TNFSF4: variants seen among roughly 807,000 people sequenced by gnomAD.
The protein encoded by TNFSF4 is tumor necrosis factor ligand superfamily member 4.
Under a neutral mutation model 7.3 loss-of-function variants are expected in TNFSF4, and 4 were observed. That is an observed-to-expected ratio of 0.55 (90% CI 0.27 to 1.25). The LOEUF (loss-of-function observed/expected upper bound fraction) is 1.25. TNFSF4 is among the 50% of genes most tolerant of loss of function. The pLI is 0.12. For missense variants in TNFSF4, 181 were observed against 208.8 expected, an observed-to-expected ratio of 0.87 and a Z score of 0.82; for synonymous variants, 76 against 83.7, an observed-to-expected ratio of 0.91 and a Z score of 0.50.
chr1:173,209,253 A>G (rs1650298648), upstream of TNFSF4, among the ~76,000 whole-genome samples: 1 of 152,166 alleles, frequency 6.6e-6, no homozygotes, highest in African/African-American at 2.4e-5. Context: ...GGGAAGAGAT[A>G]CACACACACC....
chr1:173,205,405 C>T, intron 1 of TNFSF4: 1 of 1,605,606 alleles, frequency 6.2e-7, no homozygotes, highest in Non-Finnish European at 8.5e-7. Flanking sequence ...TGGAAAGGAT[C>T]CCCTCTTTTT....
the TNFSF4 span, among the ~76,000 whole-genome samples, chr1:173,364,017 T>A: frequency 6.6e-6 from 1 of 152,178 alleles, no homozygotes; most frequent in Non-Finnish European, 1.5e-5. Flanking sequence ...TAACAGATAT[T>A]TTTAAACCCA....
the TNFSF4 span, among the ~76,000 whole-genome samples, chr1:173,450,234 T>C: frequency 6.6e-6 from 1 of 152,158 alleles, no homozygotes; most frequent in Non-Finnish European, 1.5e-5. Context: ...AAGTTTATGT[T>C]AAAGCAATGA....
At chr1:173,391,035 T>C in the TNFSF4 span, among the ~76,000 whole-genome samples, 3 of 152,100 alleles carry the variant, frequency 2.0e-5, no homozygotes, top group Non-Finnish European at 4.4e-5. Flanking sequence ...TGTGAGCCAC[T>C]GCGCCCAGCC....
At chr1:173,232,015 G>A in the TNFSF4 span, among the ~76,000 whole-genome samples, 1 of 152,136 alleles carries the variant, frequency 6.6e-6, no homozygotes, top group Non-Finnish European at 1.5e-5. Context: ...AAAGTCATTG[G>A]TAGCTTGATG....
the TNFSF4 span, among the ~76,000 whole-genome samples, chr1:173,353,745 T>C: frequency 5.3e-5 from 8 of 152,362 alleles, no homozygotes; most frequent in Non-Finnish European, 1.0e-4. Flanking sequence ...GAGAATCCTA[T>C]ATAAATCATT....
chr1:173,443,056 G>A, the TNFSF4 span, among the ~76,000 whole-genome samples: 1 of 152,178 alleles, frequency 6.6e-6, no homozygotes, highest in Admixed American at 6.5e-5. Context: ...TGAGCCTTGA[G>A]ATGGGCAGGA....
At chr1:173,413,552 G>A in the TNFSF4 span, among the ~76,000 whole-genome samples, 1 of 152,192 alleles carries the variant, frequency 6.6e-6, no homozygotes, top group Non-Finnish European at 1.5e-5. Context: ...GGGCACATCG[G>A]TGTGGAGGAC....
At chr1:173,370,830 C>G in the TNFSF4 span, among the ~76,000 whole-genome samples, 62 of 152,244 alleles carry the variant, frequency 4.1e-4, no homozygotes, top group African/African-American at 1.3e-3. Context: ...GACAAACAAA[C>G]CTTGGTGGTT....
At chr1:173,397,761 T>C in the TNFSF4 span, among the ~76,000 whole-genome samples, 16 of 152,118 alleles carry the variant, frequency 1.1e-4, no homozygotes, top group Admixed American at 7.2e-4. Flanking sequence ...GTTTACTACC[T>C]AGGAAAATAG....
the TNFSF4 span, among the ~76,000 whole-genome samples, chr1:173,310,567 T>TA: frequency 3.3e-5 from 5 of 151,882 alleles, no homozygotes; most frequent in Non-Finnish European, 7.4e-5. Context: ...AGTCAATTCT[T>TA]AAAAGTGTAG....
the TNFSF4 span, among the ~76,000 whole-genome samples, chr1:173,230,838 A>C: frequency 6.6e-6 from 1 of 152,334 alleles, no homozygotes; most frequent in East Asian, 1.9e-4. Context: ...TAAACTAGAA[A>C]ATCTAGAAGA....
the TNFSF4 span, among the ~76,000 whole-genome samples, chr1:173,231,685 C>G: frequency 1.3e-5 from 2 of 151,894 alleles, no homozygotes; most frequent in African/African-American, 4.8e-5. Context: ...CCCTCTTTGC[C>G]GATGACATGA....
chr1:173,396,823 G>T, the TNFSF4 span, among the ~76,000 whole-genome samples: 1 of 152,252 alleles, frequency 6.6e-6, no homozygotes, highest in African/African-American at 2.4e-5. Context: ...GGGCCCAGAA[G>T]ATAGACCTTT....
At chr1:173,302,391 A>G in the TNFSF4 span, among the ~76,000 whole-genome samples, 1 of 152,062 alleles carries the variant, frequency 6.6e-6, no homozygotes. Flanking sequence ...AAGGAAGAGA[A>G]AGAAAGAGGG....
chr1:173,395,283 C>A, the TNFSF4 span, among the ~76,000 whole-genome samples: 1 of 148,664 alleles, frequency 6.7e-6, no homozygotes, highest in African/African-American at 2.5e-5. Flanking sequence ...TAATTCATGG[C>A]ATACTCTGGC....
the TNFSF4 span, among the ~76,000 whole-genome samples, chr1:173,264,310 GCTT>G: frequency 1.4e-5 from 2 of 145,318 alleles, no homozygotes; most frequent in East Asian, 2.0e-4. Flanking sequence ...ACCACATCTG[GCTT>G]CTTCTTTTTT....
the TNFSF4 span, among the ~76,000 whole-genome samples, chr1:173,323,238 T>A: frequency 1.3e-5 from 2 of 152,224 alleles, no homozygotes; most frequent in Non-Finnish European, 2.9e-5. Context: ...CAATATCCAC[T>A]GTTCTGCAGC....
the TNFSF4 span, among the ~76,000 whole-genome samples, chr1:173,443,119 T>C: frequency 6.6e-6 from 1 of 152,158 alleles, no homozygotes; most frequent in South Asian, 2.1e-4. Context: ...CCTCTTCCCT[T>C]TGGGGCAGTA....
Sources: gnomAD v4.1 joint callset for allele counts (sites outside exome capture counted in the v4.1 genomes callset) on GRCh38, gnomAD v4.1.1 for gene constraint, MANE v1.5 for transcripts, NCBI Gene and HGNC (gene_info 2026-07-23, HGNC 2026-07-21) for gene names.